USP54: variants seen among roughly 807,000 people sequenced by gnomAD.
USP54 encodes ubiquitin carboxyl-terminal hydrolase 54.
USP54 carries 87 observed loss-of-function variants against 170.5 expected under a neutral mutation model. The observed-to-expected ratio is 0.51, with a 90% CI of 0.43 to 0.61. USP54 has a LOEUF of 0.61. Among genes scored for constraint, USP54 ranks in the 20% least tolerant of loss-of-function variants. The probability of loss-of-function intolerance (pLI) is 0.00; values close to 1 mark genes in which losing one functional copy is unlikely to be tolerated. For synonymous variants in USP54, 655 were observed against 742.8 expected (o/e 0.88, Z 1.92); for missense variants, 1,786 against 2,047.8 (o/e 0.87, Z 2.47).
intron 5 of USP54, among the ~76,000 whole-genome samples, chr10:73,544,414 G>T (rs942048370): frequency 1.3e-5 from 2 of 152,042 alleles, no homozygotes; most frequent in African/African-American, 4.8e-5. Context: ...AGGACATTTG[G>T]GTTGTTTCCA....
At chr10:73,561,193 G>T (rs2072949671) in intron 4 of USP54, among the ~76,000 whole-genome samples, 3 of 150,422 alleles carry the variant, frequency 2.0e-5, no homozygotes, top group Non-Finnish European at 4.4e-5. Context: ...AGTGTTTATA[G>T]TATGGTCCAA....
In USP54 at chr10:73,534,773, G is replaced by A. The variant is rs1199445383; in HGVS notation, c.1145-3C>T. ...ACTTGAGATGGAGGGCTCCCTCCCT[G>A]AGAGGAGGAGGAAACACATATGCAA... On this transcript the variant is annotated splice_region_variant and splice_polypyrimidine_tract_variant and intron_variant, in intron 11 of 23. Transcript: ENST00000687698. 1 of 1,613,136 alleles carries A rather than the reference G, an allele frequency of 6.2e-7. No individual in the cohort carries two copies. The highest frequency in any genetic ancestry group is 1.3e-5 in the African/African-American group (1 of 74,896).
In USP54 at chr10:73,498,587, T is replaced by G. The variant is rs1284798362; in HGVS notation, c.*42A>C. ...CCGCGCCCGGCCCACAGTACAGTTT[T>G]ACAAAGAAAGGTGTAGCTCCAGGAA... On this transcript the variant is annotated 3_prime_UTR_variant, in exon 24 of 24. Coordinates refer to ENST00000687698, the MANE Select transcript of USP54 (RefSeq NM_001391956.1). The G allele has an allele frequency of 6.7e-7, 1 of 1,503,200 alleles. No individual in the cohort carries two copies. The highest frequency in any genetic ancestry group is 2.3e-5 in the East Asian group (1 of 43,648). The allele number at this position is 1,503,200 out of a possible 1,614,324, so 93.1% of individuals were successfully genotyped here. A position where few individuals can be genotyped will look rare whatever the true frequency, so the allele number is the denominator to read the frequency against.
chr10:73,568,756 T>G (rs1295132889), intron 4 of USP54, among the ~76,000 whole-genome samples: 1 of 152,138 alleles, frequency 6.6e-6, no homozygotes, highest in Non-Finnish European at 1.5e-5. Flanking sequence ...CTTTGATAAA[T>G]ACATCCCCAA....
chr10:73,613,062 T>A (rs532940771), intron 1 of USP54, among the ~76,000 whole-genome samples: 2 of 149,862 alleles, frequency 1.3e-5, no homozygotes, highest in South Asian at 4.3e-4. Context: ...GAGGCTGAGG[T>A]GGGAGGATTG....
chr10:73,539,585 GA>G lies in USP54; in HGVS notation c.833del (p.Phe278SerfsTer3). ...GCTTGGCCCGGTCATCCGTCACTCT[GA>G]AAAACAGCTGAGGGGAAAGAAGAGA... ...GTCLKLGDLF[F>X]RVTDDRAKQS... On this transcript the variant is annotated frameshift_variant, in exon 10 of 24. Coordinates refer to ENST00000687698, the MANE Select transcript of USP54 (RefSeq NM_001391956.1). LOFTEE classifies it high-confidence loss of function. 1 of 1,595,880 alleles carries G rather than the reference GA, an allele frequency of 6.3e-7. No individual in the cohort carries two copies. The highest frequency in any genetic ancestry group is 8.6e-7 in the Non-Finnish European group (1 of 1,168,502).
upstream of USP54, among the ~76,000 whole-genome samples, chr10:73,594,800 T>C (rs1440977034): frequency 6.6e-6 from 1 of 151,936 alleles, no homozygotes; most frequent in African/African-American, 2.4e-5. Context: ...ATAAGGAACC[T>C]AAGAGAAAAT....
intron 3 of USP54, among the ~76,000 whole-genome samples, chr10:73,574,397 G>A (rs1461908014): frequency 6.6e-6 from 1 of 152,154 alleles, no homozygotes; most frequent in African/African-American, 2.4e-5. Flanking sequence ...ATTAAGAGAC[G>A]AGATTAACAT....
chr10:73,500,778 G>A lies in USP54; in HGVS notation c.4372C>T (p.Leu1458Phe). The change falls in exon 23 of 24, where the codon CTC becomes TTC. Residue 1458 changes from leucine to phenylalanine, a missense_variant. Around this residue, in one of 3 missense-constraint regions of USP54, gnomAD observed 1,418 missense variants for 1,569.0 expected, o/e 0.90. Coordinates refer to ENST00000687698, the MANE Select transcript of USP54 (RefSeq NM_001391956.1). ...TGHRCSSSSS[L>F]PVIHDPSVFL... ...ACAGAAGGGTCATGGATGACAGGGA[G>A]GGAAGAGGAGCTGGAACAACGGTGC... 6.2e-7 allele frequency: 1 copy of A among 1,601,346 alleles called. No individual in the cohort carries two copies. Among genetic ancestry groups the A allele is most frequent in the Non-Finnish European group, 8.5e-7 (1 of 1,175,576 alleles).
intron 4 of USP54, among the ~76,000 whole-genome samples, chr10:73,560,798 G>T (rs963380415): frequency 6.6e-6 from 1 of 150,664 alleles, no homozygotes. Context: ...CAAAAACTCC[G>T]TAACTATTTA....
rs748286565 is a variant in USP54 at position 73,521,016 on chromosome 10, C to T, written c.2374G>A (p.Gly792Ser). 4.3e-6 allele frequency: 7 copies of T among 1,613,834 alleles called. No individual in the cohort carries two copies. In the African/African-American group the frequency reaches 5.3e-5, roughly 12 times the overall value. The change falls in exon 18 of 24, where the codon GGC (glycine) becomes AGC (serine). Residue 792 changes from glycine (G) to serine (S), a missense_variant. Around this residue, in one of 3 missense-constraint regions of USP54, gnomAD observed 1,418 missense variants for 1,569.0 expected, o/e 0.90. Coordinates refer to ENST00000687698, the MANE Select transcript of USP54 (RefSeq NM_001391956.1). ...DELQNQGRSD[G>S]FERSLQEAES... ...GCCTCTTGCAGGGACCTCTCAAAGC[C>T]GTCACTCCTCCCTGAAAGGGCCAGC... is the stretch of plus-strand genomic sequence containing the variant.
At chr10:73,608,672 G>A (rs373439617) in intron 1 of USP54, among the ~76,000 whole-genome samples, 5 of 152,250 alleles carry the variant, frequency 3.3e-5, no homozygotes, top group African/African-American at 9.6e-5. Context: ...GAGGTGGGCA[G>A]ATCATTTGAG....
chr10:73,563,844 T>C (rs2073672408), intron 4 of USP54, among the ~76,000 whole-genome samples: 1 of 152,196 alleles, frequency 6.6e-6, no homozygotes, highest in Non-Finnish European at 1.5e-5. Flanking sequence ...CCTTGTCTCT[T>C]TGCATTCTTT....
At chr10:73,540,523 T>C (rs754927063) in intron 9 of USP54, among the ~76,000 whole-genome samples, 1 of 151,936 alleles carries the variant, frequency 6.6e-6, no homozygotes, top group Admixed American at 6.6e-5. Context: ...TGAAGGGAGA[T>C]CACACTACTG....
chr10:73,534,477 G>A lies in USP54; in HGVS notation c.1315+123C>T, dbSNP rs112331245. Reference sequence around the variant, plus strand: ...TCCACCCACCTTGGCCGCCCGCCTCGGCCTCCCAAAGTGCTGGGATTACAG... The same window carrying A: ...TCCACCCACCTTGGCCGCCCGCCTCAGCCTCCCAAAGTGCTGGGATTACAG... On this transcript the variant is annotated intron_variant, in intron 12 of 23. Transcript: ENST00000687698. The A allele has an allele frequency of 0.012, 14,078 of 1,174,556 alleles. 758 individuals carry two copies. In the African/African-American group the frequency reaches 0.15, roughly 12 times the overall value. The allele number at this position is 1,174,556 out of a possible 1,614,324, so 72.8% of individuals were successfully genotyped here.
At chr10:73,562,001 T>TTA (rs2073175227) in intron 4 of USP54, among the ~76,000 whole-genome samples, 1 of 152,008 alleles carries the variant, frequency 6.6e-6, no homozygotes, top group Non-Finnish European at 1.5e-5. Flanking sequence ...TTCGGGAGGC[T>TTA]GAGGCACGAG....
chr10:73,551,591 G>A (rs1010685424), intron 4 of USP54, among the ~76,000 whole-genome samples: 6 of 152,226 alleles, frequency 3.9e-5, no homozygotes, highest in African/African-American at 1.4e-4. Context: ...AAATTGCATA[G>A]TGGCCTGACG....
At position 73,516,559 on chromosome 10, in the gene USP54, A is replaced by T; in HGVS notation, c.3867T>A (p.Asp1289Glu). 6.2e-7 allele frequency: 1 copy of T among 1,614,232 alleles called. No homozygotes were observed. The highest frequency in any genetic ancestry group is 8.5e-7 in the Non-Finnish European group (1 of 1,180,042). Residue 1289 changes from aspartate to glutamate, a missense_variant, in exon 20 of 24, where the codon GAT becomes GAA. Coordinates refer to ENST00000687698, the MANE Select transcript of USP54 (RefSeq NM_001391956.1). Reference protein sequence around the residue: ...PRPGMKSSPHDSHTCVTYPER... With the variant: ...PRPGMKSSPHESHTCVTYPER... ...CTGGATAGGTTACACACGTATGGGA[A>T]TCATGAGGGGAGGACTTCATTCCTG...
At chr10:73,553,598 T>C (rs1432935830) in intron 4 of USP54, among the ~76,000 whole-genome samples, 1 of 152,132 alleles carries the variant, frequency 6.6e-6, no homozygotes, top group Non-Finnish European at 1.5e-5. Flanking sequence ...TAAGAACAGG[T>C]GGCAGCACCA....
Sources: gnomAD v4.1 joint callset for allele counts (sites outside exome capture counted in the v4.1 genomes callset) on GRCh38, gnomAD v4.1.1 for gene constraint, gnomAD v4.1.1 regional missense constraint, MANE v1.5 for transcripts, NCBI Gene and HGNC (gene_info 2026-07-23, HGNC 2026-07-21) for gene names.